NAALADL2: variants seen among roughly 807,000 people sequenced by gnomAD.
The protein encoded by NAALADL2 is N-acetylated alpha-linked acidic dipeptidase like 2.
A neutral mutation model predicts 87.2 loss-of-function variants in NAALADL2; 76 were observed. The ratio of observed to expected loss-of-function variants is 0.87; its 90% CI spans 0.72 to 1.05. NAALADL2 has a LOEUF of 1.05. NAALADL2 is among the 50% of genes least tolerant of loss of function. NAALADL2 has a pLI of 0.00. For missense variants in NAALADL2, 1,089 were observed against 945.8 expected (o/e 1.15, Z -1.99); for synonymous variants, 354 against 331.0 (o/e 1.07, Z -0.75).
intron 3 of NAALADL2, among the ~76,000 whole-genome samples, chr3:175,251,882 T>C (rs898821242): frequency 1.3e-5 from 2 of 152,226 alleles, no homozygotes; most frequent in African/African-American, 4.8e-5. Flanking sequence ...ATTATTGATT[T>C]TTAGTGCATA....
At chr3:175,166,451 T>A (rs1734018637) in intron 2 of NAALADL2, among the ~76,000 whole-genome samples, 1 of 152,112 alleles carries the variant, frequency 6.6e-6, no homozygotes, top group Non-Finnish European at 1.5e-5. Context: ...TCTATTAGAA[T>A]ATCTAATGGA....
At chr3:174,626,889 A>G (rs1210603412) in intron 2 of NAALADL2, among the ~76,000 whole-genome samples, 2 of 152,080 alleles carry the variant, frequency 1.3e-5, no homozygotes, top group Admixed American at 6.5e-5. Context: ...TTTTTCATGT[A>G]TAATGTCCCT....
Position 175,233,946 on chromosome 3 carries a change from A to G in NAALADL2, c.561A>G (p.Leu187=). 2 of 1,580,542 alleles carry G rather than the reference A, an allele frequency of 1.3e-6. No individual in the cohort carries two copies. The highest frequency in any genetic ancestry group is 1.7e-6 in the Non-Finnish European group (2 of 1,154,216). ...IKKSFRNLVQ[L]YKNEDDMEIS... ...TTTATTTCAGAAATTTGGTACAACT[A>G]TATAAAAATGAAGATGACATGGAAA... The change falls in exon 3 of 14, where the codon CTA becomes CTG. Residue 187 remains leucine (L), a synonymous_variant. Coordinates refer to ENST00000454872, the MANE Select transcript of NAALADL2 (RefSeq NM_207015.3).
intron 2 of NAALADL2, among the ~76,000 whole-genome samples, chr3:175,212,696 G>A (rs1304825889): frequency 6.6e-6 from 1 of 151,070 alleles, no homozygotes; most frequent in Non-Finnish European, 1.5e-5. Flanking sequence ...GCATTGATTT[G>A]TTGGTTACCC....
chr3:175,750,394 CTCT>C (rs930904983), intron 12 of NAALADL2, among the ~76,000 whole-genome samples: 34 of 152,148 alleles, frequency 2.2e-4, no homozygotes, highest in Admixed American at 3.9e-4. Flanking sequence ...ATTTCTCTCT[CTCT>C]TCTTCTCTCC....
intron 2 of NAALADL2, among the ~76,000 whole-genome samples, chr3:175,145,501 G>A (rs966383751): frequency 1.3e-5 from 2 of 152,044 alleles, no homozygotes; most frequent in African/African-American, 4.8e-5. Context: ...GAAACTTATC[G>A]GAAAGAAAAT....
intron 5 of NAALADL2, among the ~76,000 whole-genome samples, chr3:175,420,070 T>C (rs1319831919): frequency 1.3e-5 from 2 of 151,912 alleles, no homozygotes; most frequent in Admixed American, 6.6e-5. Flanking sequence ...CCTAACCCAA[T>C]AAATATTTTT....
intron 1 of NAALADL2, among the ~76,000 whole-genome samples, chr3:175,048,978 A>T (rs1430728695): frequency 6.6e-6 from 1 of 152,154 alleles, no homozygotes; most frequent in Non-Finnish European, 1.5e-5. Flanking sequence ...GAAAAATAAC[A>T]GTATAAATTA....
intron 4 of NAALADL2, among the ~76,000 whole-genome samples, chr3:175,269,410 A>T (rs1019785782): frequency 6.6e-6 from 1 of 152,226 alleles, no homozygotes; most frequent in South Asian, 2.1e-4. Flanking sequence ...TGACAGCAGC[A>T]TCACCACAAA....
intron 1 of NAALADL2, among the ~76,000 whole-genome samples, chr3:174,970,488 A>G (rs990215987): frequency 3.3e-5 from 5 of 152,148 alleles, no homozygotes; most frequent in African/African-American, 9.7e-5. Flanking sequence ...CATTAATTAT[A>G]ATAATTAGAA....
At chr3:175,686,918 T>C (rs1736375793) in intron 11 of NAALADL2, among the ~76,000 whole-genome samples, 1 of 152,212 alleles carries the variant, frequency 6.6e-6, no homozygotes, top group African/African-American at 2.4e-5. Context: ...ATGTTTTCTA[T>C]ACCTACCATC....
At chr3:174,641,289 C>T (rs1441622025) in intron 2 of NAALADL2, among the ~76,000 whole-genome samples, 2 of 152,160 alleles carry the variant, frequency 1.3e-5, no homozygotes, top group African/African-American at 4.8e-5. Flanking sequence ...TGAGTGCAGC[C>T]TGTGAGGCCC....
intron 2 of NAALADL2, among the ~76,000 whole-genome samples, chr3:174,594,704 A>G (rs1233409825): frequency 1.3e-5 from 2 of 152,176 alleles, no homozygotes; most frequent in Non-Finnish European, 2.9e-5. Context: ...TAGACTTCCA[A>G]GTCCTTTCCT....
At chr3:174,878,915 A>G (rs1280100816) in intron 1 of NAALADL2, among the ~76,000 whole-genome samples, 3 of 152,110 alleles carry the variant, frequency 2.0e-5, no homozygotes, top group Non-Finnish European at 4.4e-5. Context: ...TGCCGACGCC[A>G]TGCAGGCCTT....
intron 2 of NAALADL2, among the ~76,000 whole-genome samples, chr3:174,631,126 T>A (rs774593886): frequency 7.9e-5 from 12 of 152,230 alleles, no homozygotes; most frequent in Non-Finnish European, 1.6e-4. Flanking sequence ...GATTACATGT[T>A]GTTTACTGTA....
intron 8 of NAALADL2, among the ~76,000 whole-genome samples, chr3:175,471,400 G>A (rs1048806333): frequency 1.3e-5 from 2 of 150,870 alleles, no homozygotes; most frequent in East Asian, 3.9e-4. Context: ...GCGTGAACCC[G>A]GGAGGTGAAA....
intron 1 of NAALADL2, among the ~76,000 whole-genome samples, chr3:174,890,815 ATATAAG>A (rs1730781198): frequency 6.6e-6 from 1 of 152,196 alleles, no homozygotes; most frequent in African/African-American, 2.4e-5. Flanking sequence ...TACTAAATAA[ATATAAG>A]ATAGGAAAAT....
chr3:174,642,498 C>A (rs113157187), intron 2 of NAALADL2, among the ~76,000 whole-genome samples: 22,505 of 122,758 alleles, frequency 0.18, 1,920 homozygotes, highest in South Asian at 0.33. Flanking sequence ...AAGACTCAGT[C>A]TCTGGGGATA....
chr3:174,627,403 G>T (rs1310277285), intron 2 of NAALADL2, among the ~76,000 whole-genome samples: 2 of 152,122 alleles, frequency 1.3e-5, no homozygotes, highest in African/African-American at 4.8e-5. Flanking sequence ...ACACAGATCA[G>T]AATGCCTATT....
Sources: gnomAD v4.1 joint callset for allele counts (sites outside exome capture counted in the v4.1 genomes callset) on GRCh38, gnomAD v4.1.1 for gene constraint, MANE v1.5 for transcripts, NCBI Gene and HGNC (gene_info 2026-07-23, HGNC 2026-07-21) for gene names.